SLC2A13: variants seen among roughly 807,000 people sequenced by gnomAD.
SLC2A13 encodes the protein solute carrier family 2 member 13.
Under a neutral mutation model 64.4 loss-of-function variants are expected in SLC2A13, and 32 were observed. The ratio of observed to expected loss-of-function variants is 0.50; its 90% CI spans 0.37 to 0.67. The LOEUF (loss-of-function observed/expected upper bound fraction) is 0.67, where lower values mean the gene tolerates loss of function less well. Among genes scored for constraint, SLC2A13 ranks in the 30% least tolerant of loss-of-function variants. The pLI, the probability that SLC2A13 is intolerant of heterozygous loss-of-function variation, is 0.00. For missense variants in SLC2A13, 743 were observed against 829.2 expected (o/e 0.90, Z 1.28); for synonymous variants, 338 against 327.1 (o/e 1.03, Z -0.36).
intron 4 of SLC2A13, among the ~76,000 whole-genome samples, chr12:39,940,510 A>G (rs1946001110): frequency 1.3e-5 from 2 of 152,124 alleles, no homozygotes; most frequent in African/African-American, 4.8e-5. Context: ...AATATGATTA[A>G]CAAGTATGAA....
At chr12:40,081,079 CTAA>C (rs1938381025) in intron 1 of SLC2A13, among the ~76,000 whole-genome samples, 1 of 151,834 alleles carries the variant, frequency 6.6e-6, no homozygotes, top group Non-Finnish European at 1.5e-5. Flanking sequence ...TGCTGTTAGC[CTAA>C]TGAGATTCTC....
chr12:39,928,091 G>A (rs552940458), intron 4 of SLC2A13, among the ~76,000 whole-genome samples: 39 of 151,902 alleles, frequency 2.6e-4, no homozygotes, highest in South Asian at 1.2e-3. Flanking sequence ...TTACTTCATC[G>A]AAATCTTTCC....
intron 7 of SLC2A13, among the ~76,000 whole-genome samples, chr12:39,809,084 T>G (rs531848320): frequency 5.8e-4 from 88 of 152,158 alleles, no homozygotes; most frequent in African/African-American, 2.0e-3. Context: ...TTTTTTGTGT[T>G]TAGGGTGTAA....
chr12:39,881,031 GT>G (rs1184573683), intron 4 of SLC2A13, among the ~76,000 whole-genome samples: 3 of 152,146 alleles, frequency 2.0e-5, no homozygotes, highest in Non-Finnish European at 2.9e-5. Flanking sequence ...TCCCAAACCT[GT>G]TTATGCCTGT....
At chr12:40,035,094 G>C (rs1185443386) in intron 2 of SLC2A13, among the ~76,000 whole-genome samples, 1 of 152,104 alleles carries the variant, frequency 6.6e-6, no homozygotes, top group East Asian at 1.9e-4. Flanking sequence ...CTAACATCCA[G>C]AGCTATCCAA....
intron 4 of SLC2A13, among the ~76,000 whole-genome samples, chr12:39,910,367 G>A (rs1455763872): frequency 3.9e-5 from 6 of 152,090 alleles, no homozygotes; most frequent in Non-Finnish European, 7.4e-5. Context: ...ATGTGGTAAA[G>A]TTAATACTTG....
intron 7 of SLC2A13, among the ~76,000 whole-genome samples, chr12:39,807,292 G>C (rs1298419671): frequency 6.6e-6 from 1 of 152,098 alleles, no homozygotes; most frequent in African/African-American, 2.4e-5. Context: ...TGTACTGGTG[G>C]ACACACAAGC....
chr12:40,102,388 C>T (rs952414344), intron 1 of SLC2A13, among the ~76,000 whole-genome samples: 2 of 152,054 alleles, frequency 1.3e-5, no homozygotes, highest in Non-Finnish European at 2.9e-5. Context: ...TTGAAAAGAA[C>T]AATCCTACCT....
intron 6 of SLC2A13, among the ~76,000 whole-genome samples, chr12:39,837,009 C>CA (rs1334799876): frequency 2.5e-5 from 1 of 39,312 alleles, no homozygotes; most frequent in Non-Finnish European, 4.4e-5. Context: ...CATATGGAAC[C>CA]AAAAAAGAGC....
At chr12:39,844,213 T>C (rs376409864) in intron 6 of SLC2A13, among the ~76,000 whole-genome samples, 1 of 152,050 alleles carries the variant, frequency 6.6e-6, no homozygotes, top group South Asian at 2.1e-4. Context: ...GATTTCTAAA[T>C]AGTACTCCTA....
At chr12:39,973,737 CTT>C (rs1016451673) in intron 3 of SLC2A13, among the ~76,000 whole-genome samples, 1 of 152,224 alleles carries the variant, frequency 6.6e-6, no homozygotes, top group African/African-American at 2.4e-5. Flanking sequence ...AATCTAATCA[CTT>C]AGGCTGCATT....
rs565480902 is a variant in SLC2A13, at chr12:39,941,984, T to C, written c.1034+9273A>G. 4.3e-4 allele frequency among the ~76,000 whole-genome samples: 66 copies of C among 152,336 alleles called. No individual in the cohort carries two copies. The South Asian group carries it at 0.012, about 29-fold the overall frequency. On this transcript the variant is annotated intron_variant, in intron 4 of 9. Transcript: ENST00000280871. ...AAAAGGATGTCCTTTCTCCACTTTA[T>C]GTTTTTGTTTGCATTGTCGAAGATC...
In SLC2A13 at chr12:39,971,997, A is replaced by AAATATATATATATAT. The variant is rs1375405006; in HGVS notation, c.926-20633_926-20632insATATATATATATATT. On this transcript the variant is annotated intron_variant, in intron 3 of 9. Transcript: ENST00000280871. ...GAGTGTCTCCAGAAAAAAAAAAAAAAATATATATATATATATATTTTTTTT... is the reference window on the plus strand; with the variant it reads ...GAGTGTCTCCAGAAAAAAAAAAAAAAAATATATATATATATATATATATATATATATATTTTTTTT... 2.3e-3 allele frequency among the ~76,000 whole-genome samples: 178 copies of AAATATATATATATAT among 77,266 alleles called. 2 individuals are homozygous for AAATATATATATATAT. In the Middle Eastern group the frequency reaches 0.028, roughly 12 times the overall value. The allele number at this position is 77,266 out of a possible 152,430, so 50.7% of individuals were successfully genotyped here.
chr12:40,001,556 C>A (rs748281806), intron 3 of SLC2A13, among the ~76,000 whole-genome samples: 7 of 152,224 alleles, frequency 4.6e-5, no homozygotes, highest in Non-Finnish European at 7.4e-5. Flanking sequence ...GAAAATGAAA[C>A]TTGGTAGTTA....
At chr12:40,015,574 T>A (rs1947608202) in intron 3 of SLC2A13, among the ~76,000 whole-genome samples, 1 of 152,200 alleles carries the variant, frequency 6.6e-6, no homozygotes, top group Admixed American at 6.5e-5. Context: ...GGGCACCTCA[T>A]CAAAAGGGCC....
chr12:39,765,813 G>A (rs147687577), intron 7 of SLC2A13, among the ~76,000 whole-genome samples: 45 of 152,124 alleles, frequency 3.0e-4, no homozygotes, highest in African/African-American at 1.0e-3. Flanking sequence ...GGTTTGCTGT[G>A]CCTATCAACC....
intron 1 of SLC2A13, among the ~76,000 whole-genome samples, chr12:40,074,166 A>ATT (rs34071336): frequency 4.9e-5 from 6 of 121,892 alleles, no homozygotes; most frequent in African/African-American, 1.8e-4. Context: ...CATCAAAGAC[A>ATT]TTTTTTTTTT....
At chr12:39,826,059 A>G (rs1942664769) in intron 7 of SLC2A13, among the ~76,000 whole-genome samples, 1 of 151,994 alleles carries the variant, frequency 6.6e-6, no homozygotes, top group Non-Finnish European at 1.5e-5. Context: ...GATGATACTG[A>G]TTATTTGGAT....
rs1939997359 is a variant in SLC2A13, at chr12:39,757,401, G to T, written c.*2625C>A. 1 of 151,630 alleles carries T rather than the reference G, an allele frequency of 6.6e-6. No homozygotes were observed. The highest frequency in any genetic ancestry group is 6.6e-5 in the Admixed American group (1 of 15,150). The allele number at this position is 151,630 out of a possible 1,614,324, so 9.4% of individuals were successfully genotyped here. A position where few individuals can be genotyped will look rare whatever the true frequency, so the allele number is the denominator to read the frequency against. ...GAATGTTTCCAAGTTGATAGTGGTA[G>T]CCAAATATGCTGGGAACTTAAAAGG... On this transcript the variant is annotated 3_prime_UTR_variant, in exon 10 of 10. Coordinates refer to ENST00000280871, the MANE Select transcript of SLC2A13 (RefSeq NM_052885.4).
Sources: gnomAD v4.1 joint callset for allele counts (sites outside exome capture counted in the v4.1 genomes callset) on GRCh38, gnomAD v4.1.1 for gene constraint, MANE v1.5 for transcripts, NCBI Gene and HGNC (gene_info 2026-07-23, HGNC 2026-07-21) for gene names.